Variants in SYN3 observed in about 807,000 individuals in gnomAD.
The protein encoded by SYN3 is synapsin-3.
SYN3 carries 35 observed loss-of-function variants against 65.8 expected under a neutral mutation model. The ratio of observed to expected loss-of-function variants is 0.53; its 90% confidence interval spans 0.41 to 0.70. The LOEUF (loss-of-function observed/expected upper bound fraction) is 0.70. Ranked by LOEUF, SYN3 falls within the 30% of genes least tolerant of loss-of-function variation. SYN3 has a pLI of 0.00. For missense variants in SYN3, 680 were observed against 749.0 expected (o/e 0.91, Z 1.08); for synonymous variants, 270 against 292.9 (o/e 0.92, Z 0.80).
rs569453465 is a variant in SYN3, at chr22:32,987,631, A to G, written c.312-6929T>C. 1.8e-4 allele frequency among the ~76,000 whole-genome samples: 27 copies of G among 152,274 alleles called. No homozygotes were observed. In the East Asian group the frequency reaches 3.9e-3, roughly 22 times the overall value. The stretch of plus-strand genomic sequence containing the variant: ...GTATGGGGATCTGCGGAGGCAAAAA[A>G]CTGAGACATAACAGGGCCCCGAGCC... On this transcript the variant is annotated intron_variant, in intron 2 of 13. Coordinates refer to ENST00000358763, the MANE Select transcript of SYN3 (RefSeq NM_003490.4).
chr22:32,871,488 C>A (rs1185451350), intron 4 of SYN3, among the ~76,000 whole-genome samples: 1 of 152,228 alleles, frequency 6.6e-6, no homozygotes, highest in Non-Finnish European at 1.5e-5. Context: ...ATACATCACT[C>A]CCCTGCTTCA....
intron 2 of SYN3, among the ~76,000 whole-genome samples, chr22:32,988,326 A>AATAATAAT (rs2052595096): frequency 1.4e-5 from 2 of 147,308 alleles, no homozygotes; most frequent in Admixed American, 1.4e-4. Flanking sequence ...TAATAATAAT[A>AATAATAAT]ATAATAATAA....
chr22:33,020,135 C>T (rs915833219), intron 1 of SYN3, among the ~76,000 whole-genome samples: 1 of 152,090 alleles, frequency 6.6e-6, no homozygotes, highest in Non-Finnish European at 1.5e-5. Flanking sequence ...CATAGAGGCC[C>T]CAAAGCATTT....
At chr22:32,719,343 A>G (rs921145383) in intron 6 of SYN3, among the ~76,000 whole-genome samples, 18 of 152,246 alleles carry the variant, frequency 1.2e-4, no homozygotes, top group Admixed American at 1.2e-3. Context: ...GCCCACAGAT[A>G]AGTATCTTAC....
intron 6 of SYN3, among the ~76,000 whole-genome samples, chr22:32,863,637 C>G (rs889964549): frequency 3.3e-5 from 5 of 152,136 alleles, no homozygotes; most frequent in Non-Finnish European, 5.9e-5. Flanking sequence ...TGACAACGTT[C>G]TAGGTTTTCA....
chr22:32,538,296 G>A (rs2058198042), intron 8 of SYN3, among the ~76,000 whole-genome samples, 186 bp from the exon 9 acceptor site: 1 of 152,084 alleles, frequency 6.6e-6, no homozygotes, highest in Non-Finnish European at 1.5e-5. Flanking sequence ...CATGCTGTTT[G>A]CCTTTTTTAT....
At chr22:32,548,887 C>T (rs1405363359) in intron 7 of SYN3, among the ~76,000 whole-genome samples, 1 of 152,126 alleles carries the variant, frequency 6.6e-6, no homozygotes, top group Non-Finnish European at 1.5e-5. Flanking sequence ...TTTCTGTCAA[C>T]AATTGGGCCA....
chr22:32,684,784 A>G (rs1218013640), intron 6 of SYN3, among the ~76,000 whole-genome samples: 1 of 152,218 alleles, frequency 6.6e-6, no homozygotes, highest in Non-Finnish European at 1.5e-5. Flanking sequence ...CAGATGTCAG[A>G]AAATGTGGGT....
chr22:32,981,352 G>A (rs576120780), intron 2 of SYN3, among the ~76,000 whole-genome samples: 17 of 151,446 alleles, frequency 1.1e-4, no homozygotes, highest in Middle Eastern at 3.4e-3. Context: ...TTGGGAGGCC[G>A]AGGCAGGTGG....
rs993789703 is a variant in SYN3 at position 33,032,545 on chromosome 22, T to C, written c.-162-25721A>G. ...TAAAAAGATCATTAGACTAACAAAA[T>C]TTTAGTCTTTGTGACAATAAGGTAC... On this transcript the variant is annotated intron_variant, in intron 1 of 13. Coordinates refer to ENST00000358763, the MANE Select transcript of SYN3 (RefSeq NM_003490.4). 8.6e-5 allele frequency among the ~76,000 whole-genome samples: 13 copies of C among 151,852 alleles called. No individual in the cohort carries two copies. The East Asian group carries it at 2.5e-3, about 29-fold the overall frequency.
intron 6 of SYN3, among the ~76,000 whole-genome samples, chr22:32,753,115 G>A (rs1485929755): frequency 3.3e-5 from 5 of 152,146 alleles, no homozygotes; most frequent in African/African-American, 1.2e-4. Context: ...ATATATGGGG[G>A]TTCCATCAGC....
chr22:32,586,413 C>G (rs1217963385), intron 7 of SYN3, among the ~76,000 whole-genome samples: 1 of 152,162 alleles, frequency 6.6e-6, no homozygotes, highest in Non-Finnish European at 1.5e-5. Context: ...ACATTAAACT[C>G]AATGCCAATG....
At chr22:33,028,844 T>G (rs1370075768) in intron 1 of SYN3, among the ~76,000 whole-genome samples, 1 of 151,996 alleles carries the variant, frequency 6.6e-6, no homozygotes, top group Admixed American at 6.6e-5. Context: ...ATCGAGACCA[T>G]CCTGGCTAAG....
intron 4 of SYN3, among the ~76,000 whole-genome samples, chr22:32,901,026 G>A (rs1342604248): frequency 6.6e-6 from 1 of 152,218 alleles, no homozygotes; most frequent in Non-Finnish European, 1.5e-5. Flanking sequence ...GTTAGGATAT[G>A]GAGAGGAAAA....
intron 3 of SYN3, among the ~76,000 whole-genome samples, chr22:32,975,409 C>T (rs1324426563): frequency 6.6e-6 from 1 of 151,616 alleles, no homozygotes; most frequent in East Asian, 1.9e-4. Flanking sequence ...AATCCTGCTC[C>T]TTCACAGCTG....
intron 3 of SYN3, among the ~76,000 whole-genome samples, chr22:32,951,271 C>A (rs1329986850): frequency 6.6e-6 from 1 of 152,088 alleles, no homozygotes; most frequent in African/African-American, 2.4e-5. Flanking sequence ...GTCCCCACCA[C>A]CAAAGGGCTT....
chr22:33,026,806 C>T (rs991314347), intron 1 of SYN3, among the ~76,000 whole-genome samples: 1 of 152,192 alleles, frequency 6.6e-6, no homozygotes, highest in Non-Finnish European at 1.5e-5. Context: ...CCCTCAATCC[C>T]TGACAAAGAA....
rs2046567902 is a variant in SYN3, at chr22:32,801,326, G to A, written c.711+63589C>T. 6.6e-6 allele frequency among the ~76,000 whole-genome samples: 1 copy of A among 152,218 alleles called. No individual in the cohort carries two copies. Among genetic ancestry groups the A allele is most frequent in the African/African-American group, 2.4e-5 (1 of 41,460 alleles). On this transcript the variant is annotated intron_variant, in intron 6 of 13. Transcript: ENST00000358763. This position sits in a 1 kb window ranked among gnomAD's most constrained non-coding sequence, Gnocchi z 4.7. ...TGGCCACCCCTCACCTGTGGAAGCG[G>A]TCCTGCTGGGGTGGGTGGGTGTTAG...
chr22:33,024,440 C>A (rs187504956), intron 1 of SYN3, among the ~76,000 whole-genome samples: 177 of 152,252 alleles, frequency 1.2e-3, no homozygotes, highest in African/African-American at 4.1e-3. Context: ...TCTAAATGAC[C>A]CAAATGATTC....
Sources: allele counts gnomAD v4.1 joint callset (sites outside exome capture counted in the v4.1 genomes callset), GRCh38; gene constraint gnomAD v4.1.1; non-coding constraint Gnocchi (gnomAD v3.1); transcripts MANE v1.5; gene names NCBI Gene and HGNC (gene_info 2026-07-23, HGNC 2026-07-21).